The following BLTP1 variants were observed in gnomAD, a reference collection of about 807,000 sequenced individuals.
BLTP1 encodes fragile site-associated protein.
the BLTP1 span, chr4:122,302,280 A>C: frequency 1.0e-6 from 1 of 979,420 alleles, no homozygotes; most frequent in Non-Finnish European, 1.2e-6. Flanking sequence ...TCAGTTCATT[A>C]GACATATCCT....
At chr4:122,274,392 T>C in the BLTP1 span, 2 of 1,605,156 alleles carry the variant, frequency 1.2e-6, no homozygotes, top group South Asian at 2.2e-5. Flanking sequence ...CTCATATTGG[T>C]GGGGTTAATA....
At chr4:122,338,926 G>C in the BLTP1 span, among the ~76,000 whole-genome samples, 2 of 152,070 alleles carry the variant, frequency 1.3e-5, no homozygotes, top group Admixed American at 1.3e-4. Context: ...TGTTTAAAAA[G>C]CTAGGACAAT....
At chr4:122,188,276 CTAATTT>C in the BLTP1 span, 1 of 594,412 alleles carries the variant, frequency 1.7e-6, no homozygotes, top group Non-Finnish European at 2.1e-6. Context: ...GTGATAAACT[CTAATTT>C]TAAATATTTT....
the BLTP1 span, among the ~76,000 whole-genome samples, chr4:122,321,820 GT>G: frequency 8.9e-6 from 1 of 112,654 alleles, no homozygotes; most frequent in Non-Finnish European, 1.8e-5. Context: ...ATTTTGCAAG[GT>G]ATATGATTCT....
chr4:122,362,263 T>A, the BLTP1 span: 7 of 1,591,054 alleles, frequency 4.4e-6, no homozygotes, highest in African/African-American at 9.4e-5. Context: ...TAATTTGATC[T>A]GTGAACAAAT....
chr4:122,359,409 G>T, the BLTP1 span: 1 of 1,345,592 alleles, frequency 7.4e-7, no homozygotes, highest in Admixed American at 3.1e-5. Flanking sequence ...GGTACTTATG[G>T]CTTATTTTAA....
the BLTP1 span, chr4:122,281,391 A>G: frequency 7.6e-7 from 1 of 1,310,956 alleles, no homozygotes; most frequent in Non-Finnish European, 9.7e-7. Flanking sequence ...GTGTTTTAGA[A>G]AGTCTGAATA....
chr4:122,158,822 CA>C, the BLTP1 span, among the ~76,000 whole-genome samples: 1 of 152,026 alleles, frequency 6.6e-6, no homozygotes, highest in East Asian at 1.9e-4. Flanking sequence ...TTAGGTGAAC[CA>C]GCATAAATTT....
At chr4:122,220,238 T>C in the BLTP1 span, 3 of 1,325,770 alleles carry the variant, frequency 2.3e-6, no homozygotes, top group Non-Finnish European at 3.1e-6. Flanking sequence ...AAAAACAAAT[T>C]CTCTTAATCA....
chr4:122,163,417 C>T, the BLTP1 span, among the ~76,000 whole-genome samples: 1,515 of 152,264 alleles, frequency 9.9e-3, 27 homozygotes, highest in African/African-American at 0.033. Context: ...AACTCTCTGG[C>T]GTTTCTCGCT....
At chr4:122,264,172 A>G in the BLTP1 span, 2 of 1,423,546 alleles carry the variant, frequency 1.4e-6, no homozygotes, top group African/African-American at 1.5e-5. Flanking sequence ...CAGGCTTCAA[A>G]AGTTTACCCT....
chr4:122,201,030 C>T, the BLTP1 span: 2 of 1,612,414 alleles, frequency 1.2e-6, no homozygotes, highest in African/African-American at 2.7e-5. Flanking sequence ...TGCCAGCTAC[C>T]CCCGAATATG....
chr4:122,273,383 A>G, the BLTP1 span: 53 of 984,912 alleles, frequency 5.4e-5, no homozygotes, highest in Admixed American at 6.2e-5. Flanking sequence ...AATTAGGTGG[A>G]CTGACTGCAA....
At chr4:122,271,427 G>A in the BLTP1 span, 1 of 1,613,788 alleles carries the variant, frequency 6.2e-7, no homozygotes, top group African/African-American at 1.3e-5. Context: ...TGGCAATAGA[G>A]TAAATAATGC....
chr4:122,339,722 T>C, the BLTP1 span, among the ~76,000 whole-genome samples: 3 of 152,170 alleles, frequency 2.0e-5, no homozygotes, highest in African/African-American at 7.2e-5. Flanking sequence ...CAAGTACTTT[T>C]GAATATCTTT....
the BLTP1 span, chr4:122,337,206 T>C: frequency 1.8e-6 from 1 of 570,646 alleles, no homozygotes; most frequent in Non-Finnish European, 3.1e-6. Flanking sequence ...TTTATGTATA[T>C]ACAGATGCTC....
At chr4:122,240,136 A>G in the BLTP1 span, 1 of 1,614,176 alleles carries the variant, frequency 6.2e-7, no homozygotes, top group Non-Finnish European at 8.5e-7. Flanking sequence ...GTAGAAGGTG[A>G]GAAAACAGTG....
the BLTP1 span, among the ~76,000 whole-genome samples, chr4:122,311,975 C>A: frequency 6.6e-6 from 1 of 152,154 alleles, no homozygotes; most frequent in African/African-American, 2.4e-5. Context: ...TCGTAATATT[C>A]CTTATTAATT....
At chr4:122,330,391 T>A in the BLTP1 span, among the ~76,000 whole-genome samples, 4 of 151,862 alleles carry the variant, frequency 2.6e-5, no homozygotes, top group Non-Finnish European at 5.9e-5. Context: ...AACACACTTG[T>A]TTTTGCTTTT....
Sources: allele counts gnomAD v4.1 joint callset (sites outside exome capture counted in the v4.1 genomes callset), GRCh38; gene constraint gnomAD v4.1.1; transcripts MANE v1.5; gene names NCBI Gene and HGNC (gene_info 2026-07-23, HGNC 2026-07-21).